The following GHR variants were observed in gnomAD, a reference collection of about 807,000 sequenced individuals.
GHR encodes the protein GH receptor.
A neutral mutation model predicts 67.1 loss-of-function variants in GHR; 35 were observed. The ratio of observed to expected loss-of-function variants is 0.52; its 90% confidence interval spans 0.40 to 0.69. The LOEUF (loss-of-function observed/expected upper bound fraction) is 0.69, where lower values mean the gene tolerates loss of function less well. GHR is among the 30% of genes least tolerant of loss of function. The pLI is 0.00. For synonymous variants in GHR, 272 were observed against 269.1 expected (o/e 1.01, Z -0.10); for missense variants, 792 against 764.6 (o/e 1.04, Z -0.42).
intron 1 of GHR, among the ~76,000 whole-genome samples, chr5:42,477,186 T>A (rs1336530917): frequency 6.6e-6 from 1 of 152,030 alleles, no homozygotes; most frequent in Non-Finnish European, 1.5e-5. Context: ...TCCAGTTTCA[T>A]CCATGTCCCT....
intron 1 of GHR, among the ~76,000 whole-genome samples, chr5:42,486,423 T>C (rs1745880449): frequency 6.6e-6 from 1 of 152,236 alleles, no homozygotes; most frequent in African/African-American, 2.4e-5. Context: ...AGTTGTACTA[T>C]TTAAGATACA....
chr5:42,475,991 G>A (rs1420256865), intron 1 of GHR, among the ~76,000 whole-genome samples: 4 of 149,066 alleles, frequency 2.7e-5, no homozygotes, highest in African/African-American at 7.5e-5. Context: ...TGCAAGCTCC[G>A]CCTCCCAGGC....
rs1341424727 is a variant in GHR at position 42,424,689 on chromosome 5, G to A, written c.-12+734G>A. 5.6e-6 allele frequency: 7 copies of A among 1,243,380 alleles called. No homozygotes were observed. The highest frequency in any genetic ancestry group is 1.5e-5 in the African/African-American group (1 of 67,664). The allele number at this position is 1,243,380 out of a possible 1,614,324, so 77.0% of individuals were successfully genotyped here. A position where few individuals can be genotyped will look rare whatever the true frequency, so the allele number is the denominator to read the frequency against. On this transcript the variant is annotated intron_variant, in intron 1 of 9. Coordinates refer to ENST00000230882, the MANE Select transcript of GHR (RefSeq NM_000163.5). The surrounding 1 kb of genome is among the most constrained non-coding windows in gnomAD (Gnocchi z 4.1). ...CCAGGCTTAAAGTTTTGACAGAACT[G>A]CCAGAGGCTGCGGGTCAATGGGGTG...
intron 2 of GHR, among the ~76,000 whole-genome samples, chr5:42,617,759 G>A (rs925637290): frequency 6.6e-6 from 1 of 152,132 alleles, no homozygotes; most frequent in Non-Finnish European, 1.5e-5. Flanking sequence ...TCTATGGCCA[G>A]TGGAGTGGCC....
intron 3 of GHR, among the ~76,000 whole-genome samples, chr5:42,670,878 A>AT (rs565509422): frequency 0.076 from 6,660 of 88,060 alleles, 238 homozygotes; most frequent in East Asian, 0.25. Context: ...AAAAAAAAAA[A>AT]AAATATATAT....
At chr5:42,698,149 A>G (rs1025201887) in intron 5 of GHR, among the ~76,000 whole-genome samples, 58 of 152,172 alleles carry the variant, frequency 3.8e-4, no homozygotes, top group African/African-American at 1.4e-3. Flanking sequence ...AGTTTCAGAT[A>G]TTTTTTAAAT....
intron 2 of GHR, among the ~76,000 whole-genome samples, chr5:42,605,436 CA>C (rs1316075693): frequency 6.6e-6 from 1 of 152,002 alleles, no homozygotes; most frequent in Non-Finnish European, 1.5e-5. Context: ...TGTGCTTATT[CA>C]AACCACCAGT....
At chr5:42,456,010 C>T (rs1426105367) in intron 1 of GHR, among the ~76,000 whole-genome samples, 4 of 152,166 alleles carry the variant, frequency 2.6e-5, no homozygotes, top group African/African-American at 9.7e-5. Context: ...TTACTCTTGA[C>T]CAATTAGGTT....
chr5:42,536,847 T>C (rs191983200), intron 1 of GHR, among the ~76,000 whole-genome samples: 155 of 152,220 alleles, frequency 1.0e-3, no homozygotes, highest in Admixed American at 2.4e-3. Flanking sequence ...CTGCTTGCTA[T>C]TGGTCTGTTC....
chr5:42,593,500 G>A (rs540639274), intron 2 of GHR, among the ~76,000 whole-genome samples: 1 of 152,266 alleles, frequency 6.6e-6, no homozygotes, highest in South Asian at 2.1e-4. Flanking sequence ...TGATCAGTGG[G>A]CAACTGAAGA....
intron 1 of GHR, chr5:42,468,154 T>C: frequency 7.6e-7 from 1 of 1,312,020 alleles, no homozygotes; most frequent in Non-Finnish European, 1.1e-6. Context: ...TTCTGATCCA[T>C]CAAGGCCTGT....
intron 1 of GHR, among the ~76,000 whole-genome samples, chr5:42,482,708 G>A (rs545195370): frequency 2.6e-4 from 40 of 152,300 alleles, no homozygotes; most frequent in African/African-American, 9.6e-4. Context: ...CTCCTGGTGT[G>A]CCATTTTTTA....
chr5:42,716,758 T>C (rs12657698), intron 8 of GHR, among the ~76,000 whole-genome samples: 2 of 152,316 alleles, frequency 1.3e-5, no homozygotes, highest in East Asian at 3.9e-4. Flanking sequence ...TTAATGCAAT[T>C]TATAAAATGG....
At position 42,582,900 on chromosome 5, in the gene GHR, C is replaced by G. The variant is rs377682381; in HGVS notation, c.70+16956C>G. 2.2e-3 allele frequency among the ~76,000 whole-genome samples: 331 copies of G among 152,362 alleles called. 2 individuals carry two copies. Among genetic ancestry groups the G allele is most frequent in the African/African-American group, 7.6e-3 (316 of 41,588 alleles). On this transcript the variant is annotated intron_variant, in intron 2 of 9. Transcript: ENST00000230882. ...CACCCCACCACGGCAGCTGGTGTACCTGGCTGTACACAGTGGCTGAACCCC... is the reference window on the plus strand; with the variant it reads ...CACCCCACCACGGCAGCTGGTGTACGTGGCTGTACACAGTGGCTGAACCCC...
At position 42,455,907 on chromosome 5, in the gene GHR, G is replaced by C. The variant is rs1056912829; in HGVS notation, c.-12+31952G>C. 2.0e-5 allele frequency among the ~76,000 whole-genome samples: 3 copies of C among 152,156 alleles called. No individual in the cohort carries two copies. In the South Asian group the frequency reaches 6.2e-4, roughly 32 times the overall value. On this transcript the variant is annotated intron_variant, in intron 1 of 9. Transcript: ENST00000230882. ...GTTCTTTTTCTCCCGCTGGCTATAG[G>C]TTGCTTTAATCTCTGAGCTGCAGTT...
At chr5:42,518,588 A>C (rs1481495661) in intron 1 of GHR, among the ~76,000 whole-genome samples, 5 of 152,228 alleles carry the variant, frequency 3.3e-5, no homozygotes. Context: ...TGACCAAAGC[A>C]GAGTGCCCAA....
rs551814168 is a variant in GHR, at chr5:42,620,478, A to G, written c.71-8560A>G. Among the ~76,000 whole-genome samples, 17 of 152,250 alleles carry G rather than the reference A, an allele frequency of 1.1e-4. No individual in the cohort carries two copies. The South Asian group carries it at 3.5e-3, about 32-fold the overall frequency. On this transcript the variant is annotated intron_variant, in intron 2 of 9. Coordinates refer to ENST00000230882, the MANE Select transcript of GHR (RefSeq NM_000163.5). The stretch of plus-strand genomic sequence containing the variant: ...AGATAACTAACATATCAGACATGGA[A>G]TAATAAGTGCCATTGTCCAGATATT...
At chr5:42,483,502 A>C (rs1055512182) in intron 1 of GHR, among the ~76,000 whole-genome samples, 5 of 152,188 alleles carry the variant, frequency 3.3e-5, no homozygotes, top group African/African-American at 1.2e-4. Flanking sequence ...GTTAAAAAAA[A>C]AAAAAAAGAA....
intron 3 of GHR, among the ~76,000 whole-genome samples, chr5:42,637,979 G>T (rs528222225): frequency 2.0e-5 from 3 of 152,158 alleles, no homozygotes; most frequent in African/African-American, 7.2e-5. Context: ...TCGCTTTGTC[G>T]CCTGGGCTGG....
Sources: gnomAD v4.1 joint callset for allele counts (sites outside exome capture counted in the v4.1 genomes callset) on GRCh38, gnomAD v4.1.1 for gene constraint, Gnocchi (gnomAD v3.1) non-coding constraint, MANE v1.5 for transcripts, NCBI Gene and HGNC (gene_info 2026-07-23, HGNC 2026-07-21) for gene names.